MTA3: variants seen among roughly 807,000 people sequenced by gnomAD.
The protein encoded by MTA3 is metastasis-associated protein MTA3.
Under a neutral mutation model 83.5 loss-of-function variants are expected in MTA3, and 34 were observed. That is an observed-to-expected ratio of 0.41 (90% CI 0.31 to 0.54). The LOEUF is 0.54. MTA3 is among the 20% of genes least tolerant of loss of function. The pLI is 0.33. For missense variants in MTA3, 761 were observed against 726.4 expected (o/e 1.05, Z -0.55); for synonymous variants, 303 against 252.7 (o/e 1.20, Z -1.89).
intron 2 of MTA3, among the ~76,000 whole-genome samples, chr2:42,546,124 A>G (rs1280420110): frequency 6.6e-6 from 1 of 152,184 alleles, no homozygotes; most frequent in Non-Finnish European, 1.5e-5. Context: ...GGAGGACCTT[A>G]GATTTTTAAT....
rs571566752 is a variant in MTA3, at chr2:42,630,879, A to G, written c.318-9294A>G. 9.8e-5 allele frequency among the ~76,000 whole-genome samples: 15 copies of G among 152,300 alleles called. No individual in the cohort carries two copies. In the East Asian group the frequency reaches 2.5e-3, roughly 25 times the overall value. On this transcript the variant is annotated intron_variant, in intron 4 of 16. Coordinates refer to ENST00000405094, the MANE Select transcript of MTA3 (RefSeq NM_001330442.2). Reference sequence around the variant, plus strand: ...GGATTTGTAAATTTAATTTATGTCTATTGAGACCTTTTTTGCTACTTTCAG... The same window carrying G: ...GGATTTGTAAATTTAATTTATGTCTGTTGAGACCTTTTTTGCTACTTTCAG...
intron 11 of MTA3, among the ~76,000 whole-genome samples, chr2:42,698,994 AG>A (rs1414406899): frequency 6.6e-6 from 1 of 152,226 alleles, no homozygotes; most frequent in Non-Finnish European, 1.5e-5. Flanking sequence ...GATTTTCAAA[AG>A]CAAGCATACC....
At chr2:42,699,254 T>G (rs1693648416) in intron 11 of MTA3, among the ~76,000 whole-genome samples, 1 of 152,154 alleles carries the variant, frequency 6.6e-6, no homozygotes, top group South Asian at 2.1e-4. Context: ...GTGGTTTAAG[T>G]GCAGTGGTGC....
chr2:42,750,015 C>T (rs567270347), intron 16 of MTA3, among the ~76,000 whole-genome samples: 6 of 151,628 alleles, frequency 4.0e-5, no homozygotes, highest in East Asian at 3.9e-4. Flanking sequence ...TTTTTTGAGA[C>T]GGAGTCTCAC....
intron 8 of MTA3, among the ~76,000 whole-genome samples, chr2:42,676,056 C>T (rs1691326546): frequency 6.6e-6 from 1 of 152,174 alleles, no homozygotes; most frequent in Non-Finnish European, 1.5e-5. Context: ...CTCCTTTGGT[C>T]TTTGGTATAA....
At chr2:42,599,809 G>A (rs1178983890) in intron 3 of MTA3, among the ~76,000 whole-genome samples, 4 of 152,102 alleles carry the variant, frequency 2.6e-5, no homozygotes, top group Non-Finnish European at 5.9e-5. Context: ...TGTAGCTTAA[G>A]GAGTTTCATT....
At chr2:42,616,695 T>A (rs1429260486) in intron 4 of MTA3, among the ~76,000 whole-genome samples, 3 of 149,314 alleles carry the variant, frequency 2.0e-5, no homozygotes, top group Non-Finnish European at 4.4e-5. Context: ...GCTCCCACCT[T>A]AGCCTCCTGC....
At chr2:42,621,900 A>G (rs1235622685) in intron 4 of MTA3, among the ~76,000 whole-genome samples, 2 of 144,450 alleles carry the variant, frequency 1.4e-5, no homozygotes, top group East Asian at 2.1e-4. Context: ...AGACGGGAAG[A>G]GGCGCTCCTC....
chr2:42,551,206 T>G (rs1198704865), intron 2 of MTA3, among the ~76,000 whole-genome samples: 12 of 152,168 alleles, frequency 7.9e-5, no homozygotes, highest in African/African-American at 2.9e-4. Context: ...TTGTTTGTTT[T>G]TTGAGACGAA....
intron 2 of MTA3, among the ~76,000 whole-genome samples, chr2:42,557,503 G>C (rs1214202633): frequency 6.6e-6 from 1 of 152,130 alleles, no homozygotes; most frequent in Non-Finnish European, 1.5e-5. Context: ...ACTGCCTCCA[G>C]GTGTCCTGCT....
At chr2:42,664,419 C>G (rs1044210106) in intron 8 of MTA3, among the ~76,000 whole-genome samples, 1 of 119,134 alleles carries the variant, frequency 8.4e-6, no homozygotes, top group African/African-American at 3.2e-5. Context: ...GAGTCACATT[C>G]TTTTCTTTGA....
chr2:42,671,595 C>G (rs1230748369), intron 8 of MTA3, among the ~76,000 whole-genome samples: 2 of 152,076 alleles, frequency 1.3e-5, no homozygotes, highest in African/African-American at 4.8e-5. Flanking sequence ...CTAATTATCA[C>G]CTTGGCTGTA....
chr2:42,497,584 C>CA (rs112802576), intron 2 of MTA3, among the ~76,000 whole-genome samples: 1,996 of 122,818 alleles, frequency 0.016, 20 homozygotes, highest in Non-Finnish European at 0.025. Flanking sequence ...GACTCCATCT[C>CA]AAAAAAAAAA....
chr2:42,540,170 A>ATTTT (rs70963328), intron 2 of MTA3, among the ~76,000 whole-genome samples: 15 of 125,414 alleles, frequency 1.2e-4, no homozygotes, highest in East Asian at 2.4e-4. Flanking sequence ...AACTTTGTAG[A>ATTTT]TTTTTTTTTT....
intron 2 of MTA3, among the ~76,000 whole-genome samples, chr2:42,535,230 T>C (rs1465033512): frequency 2.0e-5 from 3 of 151,412 alleles, no homozygotes; most frequent in Non-Finnish European, 4.4e-5. Context: ...CTACTAAAAA[T>C]ACAAAAATTA....
intron 4 of MTA3, among the ~76,000 whole-genome samples, chr2:42,634,002 G>A (rs1686945321): frequency 6.6e-6 from 1 of 152,226 alleles, no homozygotes; most frequent in South Asian, 2.1e-4. Flanking sequence ...ATTCTCAACC[G>A]GGAGTGATAT....
intron 2 of MTA3, among the ~76,000 whole-genome samples, chr2:42,500,089 T>C (rs1415760888): frequency 6.6e-6 from 1 of 151,866 alleles, no homozygotes; most frequent in Non-Finnish European, 1.5e-5. Context: ...GGCAACATGG[T>C]GAAACTCTGT....
chr2:42,729,808 A>G (rs181119488), intron 16 of MTA3, among the ~76,000 whole-genome samples: 18 of 152,286 alleles, frequency 1.2e-4, no homozygotes, highest in Admixed American at 1.2e-3. Flanking sequence ...TTTTAGGACT[A>G]TTATTTCTAT....
Position 42,575,085 on chromosome 2 carries a change from C to A in MTA3, c.97-4022C>A, listed in dbSNP as rs139859865. 3.8e-3 allele frequency among the ~76,000 whole-genome samples: 580 copies of A among 152,352 alleles called. 4 individuals carry two copies. The highest frequency in any genetic ancestry group is 5.8e-3 in the Non-Finnish European group (395 of 68,026). On this transcript the variant is annotated intron_variant, in intron 2 of 16. Transcript: ENST00000405094. ...GAGACCCTATATTCTTTGGCTGTCA[C>A]TGCCCCTCTCTGACCTCCACTTTCG...
Sources: allele counts gnomAD v4.1 joint callset (sites outside exome capture counted in the v4.1 genomes callset), GRCh38; gene constraint gnomAD v4.1.1; transcripts MANE v1.5; gene names NCBI Gene and HGNC (gene_info 2026-07-23, HGNC 2026-07-21).